The following BICDL1 variants were observed in gnomAD, a reference collection of about 807,000 sequenced individuals.
The protein encoded by BICDL1 is BICD family like cargo adaptor 1, also known as BICD family-like cargo adapter 1.
A neutral mutation model predicts 76.8 loss-of-function variants in BICDL1; 20 were observed. The observed-to-expected ratio is 0.26, with a 90% CI of 0.18 to 0.38. The LOEUF is 0.38. BICDL1 is among the 10% of genes least tolerant of loss of function. BICDL1 has a pLI of 1.00. For synonymous variants in BICDL1, 383 were observed against 337.1 expected (o/e 1.14, Z -1.49); for missense variants, 700 against 798.6 (o/e 0.88, Z 1.49).
At chr12:120,088,507 C>CAT (rs1874628932) in intron 8 of BICDL1, among the ~76,000 whole-genome samples, 1 of 151,784 alleles carries the variant, frequency 6.6e-6, no homozygotes. Context: ...CAGGCACCTG[C>CAT]CACCACACCC....
intron 1 of BICDL1, among the ~76,000 whole-genome samples, chr12:119,996,609 G>A (rs1951650966): frequency 6.6e-6 from 1 of 151,958 alleles, no homozygotes; most frequent in Non-Finnish European, 1.5e-5. Context: ...AGTTCATTCA[G>A]TCTCAGTGCT....
intron 2 of BICDL1, among the ~76,000 whole-genome samples, chr12:120,033,936 A>G (rs187144154): frequency 2.1e-4 from 32 of 152,188 alleles, no homozygotes; most frequent in Admixed American, 3.9e-4. Context: ...GATCCCCCTT[A>G]TTCAGTTTTT....
At chr12:119,997,235 C>T (rs536336585) in intron 1 of BICDL1, among the ~76,000 whole-genome samples, 6 of 152,246 alleles carry the variant, frequency 3.9e-5, no homozygotes, top group Admixed American at 2.0e-4. Context: ...CGTGTGCCAC[C>T]GCGCCTGGCC....
At chr12:120,084,725 A>C (rs991415176) in intron 8 of BICDL1, among the ~76,000 whole-genome samples, 2 of 151,950 alleles carry the variant, frequency 1.3e-5, no homozygotes, top group African/African-American at 2.4e-5. Flanking sequence ...GCCCGTCTCT[A>C]CTAAAAATAC....
chr12:120,029,143 G>A (rs569017679), intron 2 of BICDL1, among the ~76,000 whole-genome samples: 2 of 152,292 alleles, frequency 1.3e-5, no homozygotes, highest in South Asian at 2.1e-4. Flanking sequence ...GGCTTCTAAT[G>A]CATGTGATTA....
intron 2 of BICDL1, among the ~76,000 whole-genome samples, chr12:120,050,824 A>C (rs1388750803): frequency 6.6e-6 from 1 of 150,978 alleles, no homozygotes; most frequent in African/African-American, 2.4e-5. Flanking sequence ...TAGAGACAGA[A>C]TTCTTCAGTG....
At chr12:120,038,708 G>C (rs1202522672) in intron 2 of BICDL1, among the ~76,000 whole-genome samples, 3 of 152,154 alleles carry the variant, frequency 2.0e-5, no homozygotes, top group African/African-American at 7.2e-5. Flanking sequence ...GGAGTCCATA[G>C]TTTAATGCTA....
At position 119,997,182 on chromosome 12, in the gene BICDL1, G is replaced by C. The variant is rs1010334159; in HGVS notation, c.430-1339G>C. Among the ~76,000 whole-genome samples, 10 of 152,232 alleles carry C rather than the reference G, an allele frequency of 6.6e-5. No individual in the cohort carries two copies. The East Asian group carries it at 9.6e-4, about 15-fold the overall frequency. On this transcript the variant is annotated intron_variant, in intron 1 of 9. Coordinates refer to ENST00000548673, the MANE Select transcript of BICDL1 (RefSeq NM_001367886.1). Reference sequence around the variant, plus strand: ...AGGATGGTCTCGATCTCCTGACCTCGTGATCTGCCCTCCTTAGCCTCCCAA... The same window carrying C: ...AGGATGGTCTCGATCTCCTGACCTCCTGATCTGCCCTCCTTAGCCTCCCAA...
At chr12:120,057,399 C>T (rs568754240) in intron 2 of BICDL1, among the ~76,000 whole-genome samples, 107 of 152,248 alleles carry the variant, frequency 7.0e-4, no homozygotes, top group African/African-American at 2.3e-3. Flanking sequence ...GCTAACTCTC[C>T]CACTTCTTCA....
chr12:120,014,081 T>C (rs1437864792), intron 2 of BICDL1, among the ~76,000 whole-genome samples: 2 of 152,230 alleles, frequency 1.3e-5, no homozygotes, highest in African/African-American at 2.4e-5. Context: ...ATGTGTGTTA[T>C]AAAAAATCTT....
chr12:120,086,666 C>T (rs1437052056), intron 8 of BICDL1, among the ~76,000 whole-genome samples: 1 of 152,222 alleles, frequency 6.6e-6, no homozygotes, highest in Admixed American at 6.5e-5. Context: ...TTTTTATCTC[C>T]TTGCAGGTGA....
chr12:120,051,464 A>G (rs1378539737), intron 2 of BICDL1, among the ~76,000 whole-genome samples: 1 of 152,198 alleles, frequency 6.6e-6, no homozygotes, highest in African/African-American at 2.4e-5. Flanking sequence ...GTACTTCCTA[A>G]TGAGTCCTTG....
intron 3 of BICDL1, among the ~76,000 whole-genome samples, chr12:120,063,540 A>C (rs1030506161): frequency 2.6e-5 from 4 of 152,146 alleles, no homozygotes; most frequent in Non-Finnish European, 1.5e-5. Flanking sequence ...GACTGAAACA[A>C]GCTAGACATT....
chr12:120,003,023 A>G (rs1951786919), intron 2 of BICDL1, among the ~76,000 whole-genome samples: 1 of 152,068 alleles, frequency 6.6e-6, no homozygotes, highest in African/African-American at 2.4e-5. Flanking sequence ...TGGGCATGGT[A>G]TCGTGAGCCT....
chr12:119,997,068 C>T (rs937273917), intron 1 of BICDL1, among the ~76,000 whole-genome samples: 28 of 151,888 alleles, frequency 1.8e-4, no homozygotes, highest in African/African-American at 5.8e-4. Flanking sequence ...CCTGCCTCAG[C>T]CTCCTGGGTA....
intron 2 of BICDL1, among the ~76,000 whole-genome samples, chr12:120,031,328 TC>T (rs1952419617): frequency 6.6e-6 from 1 of 150,732 alleles, no homozygotes; most frequent in Non-Finnish European, 1.5e-5. Context: ...CTCAGCCTCC[TC>T]AGTAGCTGGG....
intron 2 of BICDL1, among the ~76,000 whole-genome samples, chr12:119,999,589 C>T (rs1161702121): frequency 6.6e-6 from 1 of 152,012 alleles, no homozygotes; most frequent in Non-Finnish European, 1.5e-5. Context: ...TTTATTTGTA[C>T]CTTTCTAAGG....
intron 2 of BICDL1, among the ~76,000 whole-genome samples, chr12:120,028,731 AGT>A (rs966952849): frequency 3.3e-5 from 5 of 152,088 alleles, no homozygotes; most frequent in Non-Finnish European, 1.5e-5. Context: ...AAAATAGCTG[AGT>A]GTGTTGTTGT....
chr12:120,092,786 A>G, intron 9 of BICDL1: 1 of 985,428 alleles, frequency 1.0e-6, no homozygotes, highest in Non-Finnish European at 1.2e-6. Flanking sequence ...ACCCAGCCCA[A>G]GCCTGAGGAG....
Sources: gnomAD v4.1 joint callset for allele counts (sites outside exome capture counted in the v4.1 genomes callset) on GRCh38, gnomAD v4.1.1 for gene constraint, MANE v1.5 for transcripts, NCBI Gene and HGNC (gene_info 2026-07-23, HGNC 2026-07-21) for gene names.